ANKRD44: variants seen among roughly 807,000 people sequenced by gnomAD.
ANKRD44 encodes serine/threonine-protein phosphatase 6 regulatory ankyrin repeat subunit B.
Under a neutral mutation model 116.0 loss-of-function variants are expected in ANKRD44, and 35 were observed. The ratio of observed to expected loss-of-function variants is 0.30; its 90% CI spans 0.23 to 0.40. The LOEUF is 0.40. ANKRD44 is among the 10% of genes least tolerant of loss of function. ANKRD44 has a pLI of 1.00. For synonymous variants in ANKRD44, 435 were observed against 461.8 expected (o/e 0.94, Z 0.74); for missense variants, 1,014 against 1,242.6 (o/e 0.82, Z 2.77).
At chr2:197,122,393 T>C (rs897892343) in intron 7 of ANKRD44, among the ~76,000 whole-genome samples, 1 of 152,208 alleles carries the variant, frequency 6.6e-6, no homozygotes, top group East Asian at 1.9e-4. Flanking sequence ...AACAACTGGT[T>C]AATATATATT....
At chr2:197,133,107 T>G (rs2697264) in intron 4 of ANKRD44, among the ~76,000 whole-genome samples, 4 of 152,164 alleles carry the variant, frequency 2.6e-5, no homozygotes, top group African/African-American at 7.2e-5. Context: ...CAGCTTCACA[T>G]GATGACACTA....
At chr2:196,971,426 G>A (rs925486779) in intron 21 of ANKRD44, among the ~76,000 whole-genome samples, 5 of 151,930 alleles carry the variant, frequency 3.3e-5, no homozygotes, top group African/African-American at 7.3e-5. Context: ...GTGCGATCTC[G>A]GCTCACTGCA....
chr2:197,117,825 T>G (rs1482239084), intron 8 of ANKRD44, among the ~76,000 whole-genome samples: 1 of 152,224 alleles, frequency 6.6e-6, no homozygotes, highest in Non-Finnish European at 1.5e-5. Flanking sequence ...TGATTTCTAG[T>G]TATCCACTAA....
intron 16 of ANKRD44, among the ~76,000 whole-genome samples, chr2:197,043,211 A>T (rs1236468905): frequency 6.6e-6 from 1 of 152,230 alleles, no homozygotes; most frequent in Non-Finnish European, 1.5e-5. Flanking sequence ...GACTTATCCT[A>T]CTACCTCAAT....
intron 10 of ANKRD44, among the ~76,000 whole-genome samples, chr2:197,096,676 A>G (rs550257353): frequency 5.5e-4 from 84 of 152,300 alleles, no homozygotes; most frequent in African/African-American, 2.0e-3. Flanking sequence ...ATGAATGAAA[A>G]TGGGTTCTTT....
At chr2:197,293,550 T>C (rs1012065393) in intron 1 of ANKRD44, among the ~76,000 whole-genome samples, 6 of 152,236 alleles carry the variant, frequency 3.9e-5, no homozygotes, top group African/African-American at 1.4e-4. Flanking sequence ...TCCCTTCAGA[T>C]GGCCAATCTT....
intron 1 of ANKRD44, among the ~76,000 whole-genome samples, chr2:197,284,541 CATA>C (rs904275835): frequency 1.3e-5 from 1 of 75,702 alleles, no homozygotes; most frequent in Non-Finnish European, 3.5e-5. Context: ...CACACACACA[CATA>C]ATTTGTGTGT....
At chr2:197,205,040 C>T (rs1286741663) in intron 1 of ANKRD44, among the ~76,000 whole-genome samples, 1 of 152,236 alleles carries the variant, frequency 6.6e-6, no homozygotes, top group Non-Finnish European at 1.5e-5. Flanking sequence ...GGCTACATAA[C>T]CAGGATTCCT....
At chr2:197,146,710 A>G (rs1316119785) in intron 3 of ANKRD44, among the ~76,000 whole-genome samples, 1 of 148,710 alleles carries the variant, frequency 6.7e-6, no homozygotes, top group Non-Finnish European at 1.5e-5. Context: ...TAGACTTTAA[A>G]CTAGTTTTAT....
intron 9 of ANKRD44, among the ~76,000 whole-genome samples, chr2:197,108,617 T>C (rs1000632630): frequency 3.9e-5 from 6 of 152,120 alleles, no homozygotes; most frequent in Non-Finnish European, 8.8e-5. Context: ...GGTGGACAGA[T>C]CATTTGAGGC....
chr2:197,151,122 GCAAAA>G (rs1559106210), intron 2 of ANKRD44, among the ~76,000 whole-genome samples: 1 of 13,506 alleles, frequency 7.4e-5, no homozygotes. Flanking sequence ...TTGAAAATAT[GCAAAA>G]AAAAAAAAAA....
At chr2:197,000,645 T>C (rs2076098021) in intron 22 of ANKRD44, 143 bp from the exon 23 acceptor site, 1 of 676,684 alleles carries the variant, frequency 1.5e-6, no homozygotes, top group Non-Finnish European at 2.6e-6. Context: ...TATGTTTCAA[T>C]GGCATACATT....
At chr2:197,062,826 C>A (rs990154644) in intron 16 of ANKRD44, among the ~76,000 whole-genome samples, 12 of 152,230 alleles carry the variant, frequency 7.9e-5, no homozygotes, top group Admixed American at 7.9e-4. Context: ...CCAGGAAGCT[C>A]GAACTGGGTG....
At chr2:197,011,929 C>T (rs865931715) in intron 18 of ANKRD44, among the ~76,000 whole-genome samples, 1 of 152,230 alleles carries the variant, frequency 6.6e-6, no homozygotes, top group Non-Finnish European at 1.5e-5. Context: ...CTCAGACCAG[C>T]TCAGCCTCTT....
chr2:197,097,251 T>C (rs140573437), intron 10 of ANKRD44, among the ~76,000 whole-genome samples: 1 of 152,138 alleles, frequency 6.6e-6, no homozygotes, highest in East Asian at 1.9e-4. Context: ...TGGAAGAAAA[T>C]CAGAAATTCA....
At chr2:197,273,303 A>T (rs2082951496) in intron 1 of ANKRD44, among the ~76,000 whole-genome samples, 2 of 152,268 alleles carry the variant, frequency 1.3e-5, no homozygotes, top group African/African-American at 4.8e-5. Flanking sequence ...AGAAGAGGAT[A>T]GTTAACCCGA....
At chr2:197,123,208 G>A (rs2078897804) in intron 6 of ANKRD44, among the ~76,000 whole-genome samples, 1 of 151,258 alleles carries the variant, frequency 6.6e-6, no homozygotes, top group African/African-American at 2.4e-5. Context: ...ACTGATAAAA[G>A]AAAAAAAAAC....
chr2:197,289,875 T>G (rs1343480071), intron 1 of ANKRD44, among the ~76,000 whole-genome samples: 3 of 143,566 alleles, frequency 2.1e-5, no homozygotes, highest in African/African-American at 7.6e-5. Context: ...AATTTTTCTC[T>G]TTTTTTTTTT....
chr2:197,096,535 CA>C (rs1459105107), intron 10 of ANKRD44, among the ~76,000 whole-genome samples: 2 of 152,016 alleles, frequency 1.3e-5, no homozygotes, highest in Non-Finnish European at 2.9e-5. Flanking sequence ...TTCAGAGAAG[CA>C]AAAAGAATAA....
Sources: allele counts gnomAD v4.1 joint callset (sites outside exome capture counted in the v4.1 genomes callset), GRCh38; gene constraint gnomAD v4.1.1; transcripts MANE v1.5; gene names NCBI Gene and HGNC (gene_info 2026-07-23, HGNC 2026-07-21).